The following SHROOM3 variants were observed in gnomAD, a reference collection of about 807,000 sequenced individuals.
SHROOM3 encodes protein Shroom3.
SHROOM3 carries 47 observed loss-of-function variants against 138.6 expected under a neutral mutation model. The observed-to-expected ratio is 0.34, with a 90% CI of 0.27 to 0.43. SHROOM3 has a LOEUF of 0.43. SHROOM3 is among the 20% of genes least tolerant of loss of function. The pLI is 1.00. For missense variants in SHROOM3, 2,491 were observed against 2,596.5 expected (o/e 0.96, Z 0.88); for synonymous variants, 1,062 against 1,063.3 (o/e 1.00, Z 0.02).
intron 1 of SHROOM3, among the ~76,000 whole-genome samples, chr4:76,534,962 T>A (rs990408217): frequency 6.6e-6 from 1 of 152,164 alleles, no homozygotes; most frequent in South Asian, 2.1e-4. Flanking sequence ...AGGGCCCTTG[T>A]AGCAAATGGA....
At chr4:76,765,546 T>A (rs1374566158) in intron 9 of SHROOM3, among the ~76,000 whole-genome samples, 1 of 152,134 alleles carries the variant, frequency 6.6e-6, no homozygotes, top group Non-Finnish European at 1.5e-5. Context: ...AATTCCACTC[T>A]ATTCCTAAAT....
intron 2 of SHROOM3, among the ~76,000 whole-genome samples, chr4:76,666,925 A>G (rs954671595): frequency 5.9e-5 from 9 of 152,248 alleles, no homozygotes; most frequent in Non-Finnish European, 1.2e-4. Context: ...ACAGAATATG[A>G]CATAGGTGAA....
intron 1 of SHROOM3, among the ~76,000 whole-genome samples, chr4:76,522,195 T>G (rs1718093431): frequency 6.7e-6 from 1 of 149,638 alleles, no homozygotes; most frequent in Admixed American, 6.7e-5. Flanking sequence ...CGGAGAAGTT[T>G]GAATATCTAG....
Position 76,781,480 on chromosome 4 carries a change from G to C in SHROOM3, c.*2303G>C, listed in dbSNP as rs1190932093. 1 of 152,176 alleles carries C rather than the reference G, an allele frequency of 6.6e-6. No individual in the cohort carries two copies. Among genetic ancestry groups the C allele is most frequent in the African/African-American group, 2.4e-5 (1 of 41,434 alleles). The allele number at this position is 152,176 out of a possible 1,614,324, so 9.4% of individuals were successfully genotyped here. On this transcript the variant is annotated 3_prime_UTR_variant, in exon 11 of 11. Transcript: ENST00000296043. ...AATTGACTCCCACAGCACAGTAACAGGCAATGCTGCTTGGCATGCCACAAA... is the reference window on the plus strand; with the variant it reads ...AATTGACTCCCACAGCACAGTAACACGCAATGCTGCTTGGCATGCCACAAA...
intron 2 of SHROOM3, among the ~76,000 whole-genome samples, chr4:76,693,722 A>T (rs142743980): frequency 8.9e-4 from 135 of 151,990 alleles, no homozygotes; most frequent in African/African-American, 3.1e-3. Context: ...GGGATTTAAA[A>T]TGTGAAGTTC....
chr4:76,536,876 G>A (rs932282512), intron 1 of SHROOM3, among the ~76,000 whole-genome samples: 3 of 152,218 alleles, frequency 2.0e-5, no homozygotes, highest in African/African-American at 7.2e-5. Context: ...ACTTTGGGAG[G>A]CTGAGGTGGG....
At chr4:76,454,205 G>A (rs1358883172) in intron 1 of SHROOM3, among the ~76,000 whole-genome samples, 2 of 152,132 alleles carry the variant, frequency 1.3e-5, no homozygotes, top group East Asian at 1.9e-4. Flanking sequence ...CACCACACCT[G>A]ACTAATTTTT....
At chr4:76,471,817 C>G (rs1448267060) in intron 1 of SHROOM3, among the ~76,000 whole-genome samples, 1 of 152,134 alleles carries the variant, frequency 6.6e-6, no homozygotes, top group Non-Finnish European at 1.5e-5. Context: ...CAGTGAGAAT[C>G]TTTTTTCTCA....
chr4:76,564,750 T>G (rs1733665392), intron 2 of SHROOM3, among the ~76,000 whole-genome samples: 1 of 152,212 alleles, frequency 6.6e-6, no homozygotes, highest in South Asian at 2.1e-4. Context: ...GAAGGAGGTT[T>G]GATGATAAAA....
At chr4:76,691,914 G>A (rs2110108327) in intron 2 of SHROOM3, among the ~76,000 whole-genome samples, 1 of 152,298 alleles carries the variant, frequency 6.6e-6, no homozygotes, top group Admixed American at 6.5e-5. Flanking sequence ...CAGCAGTGCT[G>A]AGGTTTTGCT....
chr4:76,646,308 T>C (rs1735820866), intron 2 of SHROOM3, among the ~76,000 whole-genome samples: 1 of 149,998 alleles, frequency 6.7e-6, no homozygotes, highest in Non-Finnish European at 1.5e-5. Flanking sequence ...TAACTCCATA[T>C]CTGCTGTCCC....
chr4:76,758,700 A>G (rs1002178748), intron 8 of SHROOM3: 1 of 152,184 alleles, frequency 6.6e-6, no homozygotes, highest in Non-Finnish European at 1.5e-5. Flanking sequence ...ATCAAGCAGG[A>G]AACTAGTAAA....
At chr4:76,744,540 A>C (rs1460892398) in intron 5 of SHROOM3, among the ~76,000 whole-genome samples, 1 of 152,230 alleles carries the variant, frequency 6.6e-6, no homozygotes, top group Non-Finnish European at 1.5e-5. Context: ...TGAGTAAAAA[A>C]TAAAACAAAG....
chr4:76,464,399 GT>G (rs1731207474), intron 1 of SHROOM3, among the ~76,000 whole-genome samples: 1 of 152,222 alleles, frequency 6.6e-6, no homozygotes, highest in South Asian at 2.1e-4. Context: ...TATCTTGGAA[GT>G]AACTAATTTT....
chr4:76,706,432 T>C (rs1720058101), intron 2 of SHROOM3, among the ~76,000 whole-genome samples: 1 of 152,220 alleles, frequency 6.6e-6, no homozygotes, highest in African/African-American at 2.4e-5. Flanking sequence ...GTTATTATGC[T>C]AAGAAAATCA....
In SHROOM3 at chr4:76,641,325, C is replaced by G. The variant is rs536702328; in HGVS notation, c.324-68831C>G. Among the ~76,000 whole-genome samples the G allele has an allele frequency of 6.6e-5, 10 of 152,214 alleles. No individual in the cohort carries two copies. In the South Asian group the frequency reaches 1.2e-3, roughly 19 times the overall value. On this transcript the variant is annotated intron_variant, in intron 2 of 10. Coordinates refer to ENST00000296043, the MANE Select transcript of SHROOM3 (RefSeq NM_020859.4). The stretch of plus-strand genomic sequence containing the variant: ...TTAGTTTAAGGACTCTCCATCTTCT[C>G]CCTGCTCATCCTCCCTTGGGACAGC...
At chr4:76,499,563 C>T (rs577205631) in intron 1 of SHROOM3, among the ~76,000 whole-genome samples, 1 of 152,096 alleles carries the variant, frequency 6.6e-6, no homozygotes, top group Non-Finnish European at 1.5e-5. Context: ...GTGCTATACA[C>T]TAGAGTTAGT....
chr4:76,558,878 G>A (rs1313514798), intron 2 of SHROOM3, among the ~76,000 whole-genome samples: 1 of 152,196 alleles, frequency 6.6e-6, no homozygotes, highest in African/African-American at 2.4e-5. Context: ...ATGGCCAGAT[G>A]GTCCATCTTC....
intron 2 of SHROOM3, among the ~76,000 whole-genome samples, chr4:76,611,253 T>G (rs1734755667): frequency 7.3e-6 from 1 of 136,586 alleles, no homozygotes; most frequent in Non-Finnish European, 1.5e-5. Context: ...TCTCTCTGTG[T>G]CTCTCTCTCT....
Sources: gnomAD v4.1 joint callset for allele counts (sites outside exome capture counted in the v4.1 genomes callset) on GRCh38, gnomAD v4.1.1 for gene constraint, MANE v1.5 for transcripts, NCBI Gene and HGNC (gene_info 2026-07-23, HGNC 2026-07-21) for gene names.